The following PPP4R2 variants were observed in gnomAD, a reference collection of about 807,000 sequenced individuals.
PPP4R2 encodes protein phosphatase 4 regulatory subunit 2.
Under a neutral mutation model 47.2 loss-of-function variants are expected in PPP4R2, and 13 were observed. The ratio of observed to expected loss-of-function variants is 0.28; its 90% CI spans 0.18 to 0.44. The LOEUF (loss-of-function observed/expected upper bound fraction) is 0.44, where lower values mean the gene tolerates loss of function less well. PPP4R2 is among the 20% of genes least tolerant of loss of function. PPP4R2 has a pLI of 1.00. For missense variants in PPP4R2, 421 were observed against 491.2 expected (o/e 0.86, Z 1.35); for synonymous variants, 151 against 163.3 (o/e 0.92, Z 0.57).
At chr3:72,998,579 A>T (rs978063096) in intron 2 of PPP4R2, among the ~76,000 whole-genome samples, 1 of 151,902 alleles carries the variant, frequency 6.6e-6, no homozygotes, top group African/African-American at 2.4e-5. Flanking sequence ...TTTTTTGGTC[A>T]TATTTGCATA....
chr3:72,997,214 C>G lies in PPP4R2; in HGVS notation c.34+143C>G, dbSNP rs187828872. The G allele has an allele frequency of 1.8e-3, 1,013 of 559,818 alleles. 9 individuals carry two copies. The African/African-American group carries it at 0.018, about 10-fold the overall frequency. The allele number at this position is 559,818 out of a possible 1,614,324, so 34.7% of individuals were successfully genotyped here. A position where few individuals can be genotyped will look rare whatever the true frequency, so the allele number is the denominator to read the frequency against. On this transcript the variant is annotated intron_variant, in intron 1 of 8. Coordinates refer to ENST00000356692, the MANE Select transcript of PPP4R2 (RefSeq NM_174907.4). ...CGGGCTCCCATCCCCCTCCACCTCC[C>G]CAGGGGCGGGGAGCCCTGTGGGCAG...
At chr3:72,997,125 C>T (rs1212461139) in intron 1 of PPP4R2, 54 bp downstream of exon 1, 4 of 1,287,662 alleles carry the variant, frequency 3.1e-6, no homozygotes, top group South Asian at 2.3e-5. Context: ...GCTCGCTCTT[C>T]TCTCCTTTCA....
intron 2 of PPP4R2, among the ~76,000 whole-genome samples, chr3:73,024,094 C>T (rs1453925521): frequency 6.6e-6 from 1 of 151,904 alleles, no homozygotes; most frequent in Non-Finnish European, 1.5e-5. Flanking sequence ...CTGAAATGAA[C>T]AGCCTTTTTC....
intron 5 of PPP4R2, chr3:73,062,681 G>A: frequency 6.2e-7 from 1 of 1,613,978 alleles, no homozygotes; most frequent in Non-Finnish European, 8.5e-7. Flanking sequence ...CAAGTGATAA[G>A]ATTTGCACCA....
At chr3:73,038,673 C>T (rs1702315439) in intron 2 of PPP4R2, among the ~76,000 whole-genome samples, 1 of 152,116 alleles carries the variant, frequency 6.6e-6, no homozygotes, top group African/African-American at 2.4e-5. Context: ...GGCTCAAAGG[C>T]TAAAAATTAA....
chr3:73,056,471 A>G (rs1702734155), intron 3 of PPP4R2, among the ~76,000 whole-genome samples: 1 of 152,198 alleles, frequency 6.6e-6, no homozygotes, highest in Non-Finnish European at 1.5e-5. Flanking sequence ...TATCATACTA[A>G]TATTTCCAGT....
intron 5 of PPP4R2, chr3:73,062,349 G>A (rs189439924): frequency 6.2e-7 from 1 of 1,607,180 alleles, no homozygotes; most frequent in Non-Finnish European, 8.5e-7. Flanking sequence ...TCCACTGGAT[G>A]CATTGGAACC....
intron 2 of PPP4R2, among the ~76,000 whole-genome samples, chr3:73,017,752 A>G (rs932718197): frequency 3.3e-5 from 5 of 151,364 alleles, no homozygotes; most frequent in African/African-American, 1.2e-4. Flanking sequence ...TTTGAGATGG[A>G]GTCTTGCTCT....
In PPP4R2 at chr3:73,065,113, T is replaced by A. The variant is rs1702961887; in HGVS notation, c.900T>A (p.Asp300Glu). ...CCCGGCAGCACTGTACAGAAGAGGA[T>A]GAAGAAGAGGATGAAGAGGAAGAAG... ...RCTRQHCTEE[D>E]EEEDEEEEEE... The change falls in exon 8 of 9, where the codon GAT becomes GAA. Residue 300 changes from aspartate to glutamate, a missense_variant. By Grantham distance (45) the Asp-to-Glu change is conservative (BLOSUM62 2). This residue lies in a region of PPP4R2 where 317 missense variants were observed against 287.5 expected (regional missense o/e 1.10). Transcript: ENST00000356692. 6.2e-7 allele frequency: 1 copy of A among 1,610,456 alleles called. No homozygotes were observed. Among genetic ancestry groups the A allele is most frequent in the Non-Finnish European group, 8.5e-7 (1 of 1,179,218 alleles).
At position 73,019,915 on chromosome 3, in the gene PPP4R2, A is replaced by G. The variant is rs981008200; in HGVS notation, c.116+21757A>G. Among the ~76,000 whole-genome samples, 3 of 152,130 alleles carry G rather than the reference A, an allele frequency of 2.0e-5. No individual in the cohort carries two copies. In the South Asian group the frequency reaches 6.2e-4, roughly 32 times the overall value. ...ACAATTTTGTCTTATTTTCCACTCT[A>G]TATTAGGGGTATTTTGTTATAAATA... On this transcript the variant is annotated intron_variant, in intron 2 of 8. Coordinates refer to ENST00000356692, the MANE Select transcript of PPP4R2 (RefSeq NM_174907.4).
chr3:73,052,010 T>C (rs955056277), intron 3 of PPP4R2, among the ~76,000 whole-genome samples: 7 of 152,116 alleles, frequency 4.6e-5, no homozygotes, highest in African/African-American at 1.7e-4. Flanking sequence ...TCTGGAGAGC[T>C]GGGGTAACAG....
intron 7 of PPP4R2, 93 bp downstream of exon 7, chr3:73,064,239 A>AGG (rs1702936096): frequency 8.8e-7 from 1 of 1,130,212 alleles, no homozygotes; most frequent in African/African-American, 1.6e-5. Flanking sequence ...ATAAGTTCTG[A>AGG]GGGACAGAAC....
intron 2 of PPP4R2, among the ~76,000 whole-genome samples, chr3:73,030,656 A>G (rs1396346040): frequency 2.7e-5 from 4 of 149,552 alleles, no homozygotes; most frequent in Non-Finnish European, 5.9e-5. Context: ...GAAGGGCTAG[A>G]GAACCAACTA....
chr3:73,005,792 G>C (rs567486945), intron 2 of PPP4R2, among the ~76,000 whole-genome samples: 1 of 143,528 alleles, frequency 7.0e-6, no homozygotes, highest in Non-Finnish European at 1.5e-5. Flanking sequence ...AGCTCACGTC[G>C]TTGCACTCCA....
rs1311334467 is a variant in PPP4R2 at position 73,065,773 on chromosome 3, C to T, written c.*51C>T. 1 of 1,293,496 alleles carries T rather than the reference C, an allele frequency of 7.7e-7. No individual in the cohort carries two copies. The allele number at this position is 1,293,496 out of a possible 1,614,324, so 80.1% of individuals were successfully genotyped here. ...ATTTTACATACAGTTCTGGTTTTAACACTGTATAAAACTTTTGTGTAATAA... is the reference window on the plus strand; with the variant it reads ...ATTTTACATACAGTTCTGGTTTTAATACTGTATAAAACTTTTGTGTAATAA... On this transcript the variant is annotated 3_prime_UTR_variant, in exon 9 of 9. Transcript: ENST00000356692.
intron 2 of PPP4R2, among the ~76,000 whole-genome samples, chr3:73,016,835 T>TTA (rs1491346479): frequency 8.3e-6 from 1 of 119,864 alleles, no homozygotes; most frequent in African/African-American, 3.2e-5. Context: ...TTTTTTTTTT[T>TTA]AAATACAGAG....
intron 4 of PPP4R2, among the ~76,000 whole-genome samples, chr3:73,060,102 C>G (rs924813238): frequency 1.3e-5 from 2 of 152,130 alleles, no homozygotes; most frequent in African/African-American, 4.8e-5. Context: ...GGTCCGGAAA[C>G]ACTCCCCTGT....
intron 2 of PPP4R2, among the ~76,000 whole-genome samples, chr3:73,044,631 GTTCACTTGT>G (rs1184907367): frequency 1.1e-3 from 163 of 151,956 alleles, no homozygotes; most frequent in African/African-American, 3.9e-3. Context: ...GCCAATACTT[GTTCACTTGT>G]TTTTTAGATA....
chr3:73,018,014 G>A (rs1701875093), intron 2 of PPP4R2, among the ~76,000 whole-genome samples: 1 of 152,168 alleles, frequency 6.6e-6, no homozygotes, highest in African/African-American at 2.4e-5. Flanking sequence ...AACTGGCTGG[G>A]ACACTGGGCG....
Sources: gnomAD v4.1 joint callset for allele counts (sites outside exome capture counted in the v4.1 genomes callset) on GRCh38, gnomAD v4.1.1 for gene constraint, gnomAD v4.1.1 regional missense constraint, MANE v1.5 for transcripts, NCBI Gene and HGNC (gene_info 2026-07-23, HGNC 2026-07-21) for gene names.